The following C1GALT1 variants were observed in gnomAD, a reference collection of about 807,000 sequenced individuals.
The protein encoded by C1GALT1 is glycoprotein-N-acetylgalactosamine 3-beta-galactosyltransferase 1.
C1GALT1 carries 11 observed loss-of-function variants against 31.0 expected under a neutral mutation model. The observed-to-expected ratio is 0.36, with a 90% confidence interval of 0.22 to 0.59. The LOEUF (loss-of-function observed/expected upper bound fraction) is 0.59. Ranked by LOEUF, C1GALT1 falls within the 20% of genes least tolerant of loss-of-function variation. The probability of loss-of-function intolerance (pLI) is 0.79; values close to 1 mark genes in which losing one functional copy is unlikely to be tolerated. For synonymous variants in C1GALT1, 175 were observed against 143.6 expected, an observed-to-expected ratio of 1.22 and a Z score of -1.56; for missense variants, 424 against 425.2, an observed-to-expected ratio of 1.00 and a Z score of 0.03.
chr7:7,199,267 T>C (rs1429792610), intron 1 of C1GALT1, among the ~76,000 whole-genome samples: 1 of 152,142 alleles, frequency 6.6e-6, no homozygotes, highest in Non-Finnish European at 1.5e-5. Flanking sequence ...AAAGAACATC[T>C]TTTATTTCTG....
chr7:7,215,661 C>T (rs1427418908), intron 1 of C1GALT1, among the ~76,000 whole-genome samples: 1 of 152,106 alleles, frequency 6.6e-6, no homozygotes, highest in Non-Finnish European at 1.5e-5. Flanking sequence ...ATAGTGTTTC[C>T]TCTATTTCTT....
rs146634361 is a variant in C1GALT1, at chr7:7,209,113, C to T, written c.-17-25190C>T. ...AACACATCTTGTCTTTCCATTTACT[C>T]GTTTTATTTTAGATCCTTTATGGAA... On this transcript the variant is annotated intron_variant, in intron 1 of 3. Coordinates refer to ENST00000436587, the MANE Select transcript of C1GALT1 (RefSeq NM_020156.5). 3.9e-5 allele frequency among the ~76,000 whole-genome samples: 6 copies of T among 152,252 alleles called. No individual in the cohort carries two copies. In the East Asian group the frequency reaches 1.2e-3, roughly 29 times the overall value.
intron 1 of C1GALT1, among the ~76,000 whole-genome samples, chr7:7,201,600 C>CG: frequency 6.6e-6 from 1 of 152,236 alleles, no homozygotes; most frequent in African/African-American, 2.4e-5. Context: ...ACCAGGGAAG[C>CG]GGGGGAAAGC....
Position 7,246,834 on chromosome 7 carries a change from A to G in C1GALT1, c.*3107A>G, listed in dbSNP as rs1783867119. ...TGCCCAATTACTAAGACATTTTTCAAAAAGCATGTTTTAAATCAGTGTAGT... is the reference window on the plus strand; with the variant it reads ...TGCCCAATTACTAAGACATTTTTCAGAAAGCATGTTTTAAATCAGTGTAGT... On this transcript the variant is annotated 3_prime_UTR_variant, in exon 4 of 4. Transcript: ENST00000436587. 6.6e-6 allele frequency: 1 copy of G among 152,190 alleles called. No individual in the cohort carries two copies. Among genetic ancestry groups the G allele is most frequent in the Admixed American group, 6.5e-5 (1 of 15,282 alleles). 9.4% of individuals were successfully genotyped at this position (152,190 alleles called of 1,614,324 possible). A position where few individuals can be genotyped will look rare whatever the true frequency, so the allele number is the denominator to read the frequency against.
intron 1 of C1GALT1, among the ~76,000 whole-genome samples, chr7:7,206,523 A>C (rs1196783065): frequency 2.6e-5 from 4 of 152,090 alleles, no homozygotes; most frequent in African/African-American, 9.7e-5. Flanking sequence ...AAAATACAAA[A>C]AAATTAGCTG....
intron 1 of C1GALT1, among the ~76,000 whole-genome samples, chr7:7,200,136 C>CTT (rs1562568887): frequency 3.9e-5 from 6 of 152,118 alleles, no homozygotes; most frequent in African/African-American, 1.2e-4. Context: ...TTCCTAGCAG[C>CTT]GATGGTCTTT....
chr7:7,225,147 T>C (rs1255415275), intron 1 of C1GALT1, among the ~76,000 whole-genome samples: 1 of 152,204 alleles, frequency 6.6e-6, no homozygotes, highest in Non-Finnish European at 1.5e-5. Flanking sequence ...CTTCTTGCTT[T>C]GGGTTTATTG....
intron 1 of C1GALT1, among the ~76,000 whole-genome samples, chr7:7,233,999 C>G (rs983320749): frequency 3.3e-5 from 5 of 152,184 alleles, no homozygotes; most frequent in Admixed American, 3.3e-4. Context: ...GAAAGAAAAA[C>G]AACACGACAG....
rs1407936053 is a variant in C1GALT1, at chr7:7,244,548, A to G, written c.*821A>G. 1.3e-5 allele frequency: 2 copies of G among 152,158 alleles called. No homozygotes were observed. Among genetic ancestry groups the G allele is most frequent in the African/African-American group, 4.8e-5 (2 of 41,440 alleles). The allele number at this position is 152,158 out of a possible 1,614,324, so 9.4% of individuals were successfully genotyped here. On this transcript the variant is annotated 3_prime_UTR_variant, in exon 4 of 4. Transcript: ENST00000436587. The stretch of plus-strand genomic sequence containing the variant: ...TTCCCAAATTTGCCCATTGTTCATT[A>G]TGGGTAACTAATAATAAATTTAATG...
At chr7:7,165,794 T>C (rs1686514127) in intron 2 of C1GALT1, among the ~76,000 whole-genome samples, 1 of 152,166 alleles carries the variant, frequency 6.6e-6, no homozygotes, top group African/African-American at 2.4e-5. Context: ...ATCAACATGA[T>C]GCTACGAGTG....
chr7:7,212,563 G>A (rs1040988151), intron 1 of C1GALT1, among the ~76,000 whole-genome samples: 1 of 152,190 alleles, frequency 6.6e-6, no homozygotes, highest in Admixed American at 6.5e-5. Context: ...CACCTGAGCA[G>A]GCTTAGTGTG....
In C1GALT1 at chr7:7,182,955, G is replaced by T. The variant is rs542928034; in HGVS notation, c.-18+135G>T. ...GGCGCGGCGGAACAGGTGTCTCGGG[G>T]TCAAAGCCGGGCTGGGGTCGTCCGG... On this transcript the variant is annotated intron_variant, in intron 1 of 3. Transcript: ENST00000436587. The T allele has an allele frequency of 6.9e-5, 42 of 604,978 alleles. No homozygotes were observed. In the South Asian group the frequency reaches 3.0e-3, roughly 43 times the overall value. 37.5% of individuals were successfully genotyped at this position (604,978 alleles called of 1,614,324 possible).
At chr7:7,235,427 T>C (rs549584056) in intron 2 of C1GALT1, 2 of 152,266 alleles carry the variant, frequency 1.3e-5, no homozygotes, top group South Asian at 2.1e-4. Context: ...AAACATACTA[T>C]TACAAAGTAT....
chr7:7,205,831 T>C (rs891412016), intron 1 of C1GALT1, among the ~76,000 whole-genome samples: 1 of 152,206 alleles, frequency 6.6e-6, no homozygotes, highest in Non-Finnish European at 1.5e-5. Context: ...GTAGACAGCA[T>C]GTAGTTGGAT....
chr7:7,185,881 A>G (rs1167741768), intron 1 of C1GALT1, among the ~76,000 whole-genome samples: 2 of 152,250 alleles, frequency 1.3e-5, no homozygotes, highest in African/African-American at 2.4e-5. Context: ...ATCAGAGGCT[A>G]TAGTGGAAAC....
At chr7:7,198,342 T>A (rs953853833) in intron 1 of C1GALT1, among the ~76,000 whole-genome samples, 1 of 152,190 alleles carries the variant, frequency 6.6e-6, no homozygotes, top group Non-Finnish European at 1.5e-5. Context: ...CGTTTATTGA[T>A]TTGCGTATGT....
At chr7:7,199,889 C>G (rs901735354) in intron 1 of C1GALT1, among the ~76,000 whole-genome samples, 1 of 151,986 alleles carries the variant, frequency 6.6e-6, no homozygotes, top group African/African-American at 2.4e-5. Flanking sequence ...TTTCCATTTG[C>G]TTGTTAGATC....
intron 1 of C1GALT1, among the ~76,000 whole-genome samples, chr7:7,219,680 A>G (rs16877198): frequency 0.04 from 6,038 of 152,308 alleles, 218 homozygotes; most frequent in African/African-American, 0.11. Context: ...CATTAAACTC[A>G]ATTTAGAAAA....
chr7:7,224,143 A>G (rs1367862575), intron 1 of C1GALT1, among the ~76,000 whole-genome samples: 1 of 152,088 alleles, frequency 6.6e-6, no homozygotes, highest in Non-Finnish European at 1.5e-5. Flanking sequence ...GCTGAATTCT[A>G]TTTACTAATA....
Sources: allele counts gnomAD v4.1 joint callset (sites outside exome capture counted in the v4.1 genomes callset), GRCh38; gene constraint gnomAD v4.1.1; transcripts MANE v1.5; gene names NCBI Gene and HGNC (gene_info 2026-07-23, HGNC 2026-07-21).